GRM7: variants seen among roughly 807,000 people sequenced by gnomAD.
The protein encoded by GRM7 is glutamate metabotropic receptor 7, also known as metabotropic glutamate receptor 7.
Under a neutral mutation model 84.5 loss-of-function variants are expected in GRM7, and 35 were observed. That is an observed-to-expected ratio of 0.41 (90% CI 0.32 to 0.55). The LOEUF is 0.55. Among genes scored for constraint, GRM7 ranks in the 20% least tolerant of loss-of-function variants. The pLI is 0.19. For synonymous variants in GRM7, 487 were observed against 455.1 expected, an observed-to-expected ratio of 1.07 and a Z score of -0.89; for missense variants, 1,003 against 1,194.6, an observed-to-expected ratio of 0.84 and a Z score of 2.36.
intron 7 of GRM7, among the ~76,000 whole-genome samples, chr3:7,564,885 C>T (rs1285677803): frequency 1.3e-5 from 2 of 152,138 alleles, no homozygotes; most frequent in Non-Finnish European, 2.9e-5. Context: ...TGTACCTAAG[C>T]TTACTGAAGG....
chr3:6,977,406 G>T (rs1694042632), intron 1 of GRM7, among the ~76,000 whole-genome samples: 1 of 151,840 alleles, frequency 6.6e-6, no homozygotes, highest in Non-Finnish European at 1.5e-5. Flanking sequence ...TTGGTGTGTT[G>T]TTTTGTTTTA....
chr3:7,513,467 C>T (rs1700279035), intron 7 of GRM7, among the ~76,000 whole-genome samples: 1 of 151,870 alleles, frequency 6.6e-6, no homozygotes, highest in Non-Finnish European at 1.5e-5. Context: ...CTGCCTCCTC[C>T]ACATTGAAGA....
At position 7,693,077 on chromosome 3, in the gene GRM7, C is replaced by T. The variant is rs186343292; in HGVS notation, c.2698+12782C>T. 1.5e-3 allele frequency among the ~76,000 whole-genome samples: 233 copies of T among 150,658 alleles called. 3 individuals carry two copies. The South Asian group carries it at 0.023, about 15-fold the overall frequency. Reference sequence around the variant, plus strand: ...GTCTAAAAATTTAAATACTGTACTTCCTGTTATACAAAGAACATGGTCTGC... The same window carrying T: ...GTCTAAAAATTTAAATACTGTACTTTCTGTTATACAAAGAACATGGTCTGC... On this transcript the variant is annotated intron_variant, in intron 9 of 9. Transcript: ENST00000357716.
At chr3:6,916,431 TATAGGGGGAGTCACTGAA>T (rs1199506579) in intron 1 of GRM7, among the ~76,000 whole-genome samples, 1 of 152,150 alleles carries the variant, frequency 6.6e-6, no homozygotes, top group Non-Finnish European at 1.5e-5. Context: ...GTAGTGGCAG[TATAGGGGGAGTCACTGAA>T]ATGAGCAATA....
At chr3:7,607,702 A>G (rs1043190671) in intron 8 of GRM7, 2 of 144,226 alleles carry the variant, frequency 1.4e-5, no homozygotes, top group Non-Finnish European at 3.0e-5. Flanking sequence ...ATTTCAGCAG[A>G]CTCACAGAGC....
intron 7 of GRM7, among the ~76,000 whole-genome samples, chr3:7,564,272 C>T (rs1187359686): frequency 6.6e-6 from 1 of 152,192 alleles, no homozygotes; most frequent in East Asian, 1.9e-4. Flanking sequence ...CAACATGCTT[C>T]CATACATGCC....
At chr3:7,508,891 A>G (rs528977593) in intron 7 of GRM7, among the ~76,000 whole-genome samples, 4 of 152,328 alleles carry the variant, frequency 2.6e-5, no homozygotes, top group African/African-American at 9.6e-5. Flanking sequence ...TGCATTGGCA[A>G]GCGAAGACTA....
intron 4 of GRM7, among the ~76,000 whole-genome samples, chr3:7,409,761 C>T (rs541078685): frequency 2.8e-4 from 43 of 152,046 alleles, no homozygotes; most frequent in African/African-American, 8.7e-4. Flanking sequence ...CCACCACGCC[C>T]GGCGAATTTT....
chr3:7,261,577 C>A (rs1698423730), intron 2 of GRM7, among the ~76,000 whole-genome samples: 1 of 152,102 alleles, frequency 6.6e-6, no homozygotes, highest in Admixed American at 6.5e-5. Context: ...TTAATTGGGG[C>A]ATTTAGCCTA....
At chr3:6,933,893 A>T (rs1697595416) in intron 1 of GRM7, among the ~76,000 whole-genome samples, 2 of 152,208 alleles carry the variant, frequency 1.3e-5, no homozygotes, top group African/African-American at 4.8e-5. Flanking sequence ...ATGGTAGGAA[A>T]TATTGACTTA....
chr3:7,629,467 A>G (rs1184722598), intron 8 of GRM7, among the ~76,000 whole-genome samples: 5 of 152,160 alleles, frequency 3.3e-5, no homozygotes, highest in African/African-American at 1.2e-4. Context: ...CCCAGTGCAG[A>G]AAGAGAGAGC....
intron 8 of GRM7, among the ~76,000 whole-genome samples, chr3:7,598,073 CA>C (rs1696137225): frequency 6.6e-6 from 1 of 152,072 alleles, no homozygotes; most frequent in Non-Finnish European, 1.5e-5. Context: ...TCCTGGCAAA[CA>C]GTGAAATTTG....
At chr3:7,703,694 C>A (rs1701301890) in intron 9 of GRM7, among the ~76,000 whole-genome samples, 1 of 152,142 alleles carries the variant, frequency 6.6e-6, no homozygotes, top group Non-Finnish European at 1.5e-5. Flanking sequence ...CTATACTGAG[C>A]ATTTTACAAA....
intron 1 of GRM7, among the ~76,000 whole-genome samples, chr3:7,082,615 A>C (rs1559427306): frequency 6.6e-6 from 1 of 152,142 alleles, no homozygotes; most frequent in Non-Finnish European, 1.5e-5. Flanking sequence ...TATAGCTGCC[A>C]TAGATAGTGC....
At chr3:7,701,351 AG>A (rs1219710922) in intron 9 of GRM7, among the ~76,000 whole-genome samples, 1 of 146,206 alleles carries the variant, frequency 6.8e-6, no homozygotes, top group Non-Finnish European at 1.5e-5. Context: ...CACAGGCTGA[AG>A]TGCAGTGGCA....
chr3:7,712,944 C>G (rs1701633171), intron 9 of GRM7, among the ~76,000 whole-genome samples: 1 of 152,014 alleles, frequency 6.6e-6, no homozygotes, highest in East Asian at 1.9e-4. Context: ...TTCATGTGGC[C>G]TTCCCCCTCT....
At chr3:6,980,560 A>G (rs2124830865) in intron 1 of GRM7, among the ~76,000 whole-genome samples, 1 of 152,300 alleles carries the variant, frequency 6.6e-6, no homozygotes, top group South Asian at 2.1e-4. Flanking sequence ...ATACTTGAGA[A>G]CTTCCACTGT....
chr3:7,682,319 A>G lies in GRM7; in HGVS notation c.2698+2024A>G, dbSNP rs572616326. 6.0e-5 allele frequency: 9 copies of G among 150,552 alleles called. No homozygotes were observed. The South Asian group carries it at 1.9e-3, about 32-fold the overall frequency. The allele number at this position is 150,552 out of a possible 1,614,324, so 9.3% of individuals were successfully genotyped here. ...CCATTGCACTCCAGCCTGGGCAACA[A>G]GAGCAAAACTCCATCTCAAAAAAAA... On this transcript the variant is annotated intron_variant, in intron 9 of 9. Coordinates refer to ENST00000357716, the MANE Select transcript of GRM7 (RefSeq NM_000844.4).
chr3:7,661,622 G>A (rs571794074), intron 8 of GRM7, among the ~76,000 whole-genome samples: 5 of 151,524 alleles, frequency 3.3e-5, no homozygotes, highest in East Asian at 2.0e-4. Context: ...GTGAAACCCC[G>A]TCTCTACTAA....
Sources: allele counts gnomAD v4.1 joint callset (sites outside exome capture counted in the v4.1 genomes callset), GRCh38; gene constraint gnomAD v4.1.1; transcripts MANE v1.5; gene names NCBI Gene and HGNC (gene_info 2026-07-23, HGNC 2026-07-21).